Variants in RABGAP1L observed in about 807,000 individuals in gnomAD.
RABGAP1L encodes rab GTPase-activating protein 1-like.
In RABGAP1L, 63 loss-of-function variants were observed where a neutral mutation model predicts 137.7. That is an observed-to-expected ratio of 0.46 (90% confidence interval 0.37 to 0.56). RABGAP1L has a LOEUF of 0.56. RABGAP1L is among the 20% of genes least tolerant of loss of function. The probability of loss-of-function intolerance (pLI) is 0.00; values close to 1 mark genes in which losing one functional copy is unlikely to be tolerated. For synonymous variants in RABGAP1L, 431 were observed against 433.7 expected (o/e 0.99, Z 0.08); for missense variants, 1,095 against 1,244.0 (o/e 0.88, Z 1.80).
chr1:174,832,244 G>T lies in RABGAP1L; in HGVS notation c.2340+20284G>T, dbSNP rs1001480243. On this transcript the variant is annotated intron_variant, in intron 19 of 25. Transcript: ENST00000681986. ...GGAGGTGGAGGTTGCAGTGAGCCGA[G>T]ATCGTGCCACTACATTCCAGCCTGG... Among the ~76,000 whole-genome samples, 7 of 146,416 alleles carry T rather than the reference G, an allele frequency of 4.8e-5. 2 individuals carry two copies. Among genetic ancestry groups the T allele is most frequent in the Non-Finnish European group, 7.6e-5 (5 of 66,114 alleles).
chr1:174,348,019 A>T (rs61828635), intron 11 of RABGAP1L, among the ~76,000 whole-genome samples: 13,619 of 152,024 alleles, frequency 0.09, 831 homozygotes, highest in East Asian at 0.22. Flanking sequence ...ATTATTATTG[A>T]TAAATGAGGA....
chr1:174,294,501 G>A (rs373042736), intron 10 of RABGAP1L, among the ~76,000 whole-genome samples: 1 of 152,126 alleles, frequency 6.6e-6, no homozygotes, highest in African/African-American at 2.4e-5. Flanking sequence ...CAGATAGATA[G>A]GTCATTACCA....
chr1:174,962,205 C>CCCA lies in RABGAP1L; in HGVS notation c.2433+4657_2433+4658insCAC, dbSNP rs1553295731. 2.0e-4 allele frequency among the ~76,000 whole-genome samples: 27 copies of CCCA among 136,822 alleles called. 1 individual carries two copies. Among genetic ancestry groups the CCCA allele is most frequent in the East Asian group, 6.3e-4 (3 of 4,728 alleles). 89.8% of individuals were successfully genotyped at this position (136,822 alleles called of 152,430 possible). ...ATAAAAATAAAAATACACCCCCCCC[C>CCCA]CACACACACACACAGCTAGTTAATT... On this transcript the variant is annotated intron_variant, in intron 20 of 25. Transcript: ENST00000681986.
intron 19 of RABGAP1L, among the ~76,000 whole-genome samples, chr1:174,921,478 G>T (rs1362990152): frequency 1.3e-5 from 2 of 152,084 alleles, no homozygotes; most frequent in Non-Finnish European, 2.9e-5. Flanking sequence ...ATTCTTCAAG[G>T]TAAAAATACC....
chr1:174,729,936 A>G (rs1682322794), intron 17 of RABGAP1L, among the ~76,000 whole-genome samples: 1 of 152,240 alleles, frequency 6.6e-6, no homozygotes, highest in African/African-American at 2.4e-5. Flanking sequence ...CTTAAAACAG[A>G]ACTACCATTT....
intron 17 of RABGAP1L, among the ~76,000 whole-genome samples, chr1:174,735,612 C>CAAAAAAAAAAAAAAA (rs59281177): frequency 2.2e-5 from 1 of 46,134 alleles, no homozygotes. Context: ...AACTCCATCT[C>CAAAAAAAAAAAAAAA]AAAAAAAAAA....
In RABGAP1L at chr1:174,595,629, G is replaced by T. The variant is rs1278227191; in HGVS notation, c.1711-41746G>T. 2.0e-5 allele frequency among the ~76,000 whole-genome samples: 3 copies of T among 150,156 alleles called. 1 individual carries two copies. Among genetic ancestry groups the T allele is most frequent in the African/African-American group, 7.4e-5 (3 of 40,306 alleles). Reference sequence around the variant, plus strand: ...ATACCCTGCGATGTGAGGTGTCAGTGTGCCCCTGCTGGGGGCTGCCTCCCA... The same window carrying T: ...ATACCCTGCGATGTGAGGTGTCAGTTTGCCCCTGCTGGGGGCTGCCTCCCA... On this transcript the variant is annotated intron_variant, in intron 13 of 25. Coordinates refer to ENST00000681986, the MANE Select transcript of RABGAP1L (RefSeq NM_001366446.1).
At chr1:174,193,730 C>A (rs1011800711) in intron 1 of RABGAP1L, among the ~76,000 whole-genome samples, 1 of 151,976 alleles carries the variant, frequency 6.6e-6, no homozygotes, top group African/African-American at 2.4e-5. Flanking sequence ...CAGAAATATT[C>A]TTCATGTGTT....
chr1:174,982,245 C>T (rs1452569192), intron 23 of RABGAP1L, among the ~76,000 whole-genome samples: 4 of 152,112 alleles, frequency 2.6e-5, no homozygotes, highest in Non-Finnish European at 5.9e-5. Context: ...CAACCCGTCA[C>T]CTACATTAGG....
chr1:174,333,139 C>T (rs1377954198), intron 11 of RABGAP1L, among the ~76,000 whole-genome samples: 1 of 151,992 alleles, frequency 6.6e-6, no homozygotes, highest in Non-Finnish European at 1.5e-5. Flanking sequence ...GTTGTGAGTA[C>T]AATAGTGGTT....
At chr1:174,726,049 A>G (rs1030396458) in intron 17 of RABGAP1L, among the ~76,000 whole-genome samples, 3 of 152,174 alleles carry the variant, frequency 2.0e-5, no homozygotes, top group Non-Finnish European at 2.9e-5. Flanking sequence ...GAGTGACACA[A>G]AAATAAAATT....
chr1:174,670,497 T>C (rs1677091718), intron 14 of RABGAP1L, among the ~76,000 whole-genome samples: 1 of 152,126 alleles, frequency 6.6e-6, no homozygotes, highest in Non-Finnish European at 1.5e-5. Flanking sequence ...ACTCATTCTT[T>C]CTTCTTTTTT....
intron 13 of RABGAP1L, among the ~76,000 whole-genome samples, chr1:174,480,192 T>C (rs1337232362): frequency 6.6e-6 from 1 of 152,210 alleles, no homozygotes; most frequent in Non-Finnish European, 1.5e-5. Flanking sequence ...TCCTAATTGA[T>C]TCTATAAAAA....
intron 17 of RABGAP1L, among the ~76,000 whole-genome samples, chr1:174,712,749 A>C (rs770034077): frequency 8.6e-5 from 13 of 151,864 alleles, no homozygotes; most frequent in Non-Finnish European, 1.8e-4. Flanking sequence ...CTCTCTTAGC[A>C]CCCCGTGGTT....
chr1:174,914,683 G>C (rs534191234), intron 19 of RABGAP1L, among the ~76,000 whole-genome samples: 1 of 152,046 alleles, frequency 6.6e-6, no homozygotes, highest in East Asian at 1.9e-4. Flanking sequence ...GCCTTATAAA[G>C]GTATAAGTTA....
chr1:174,294,846 C>T (rs987480550), intron 10 of RABGAP1L, among the ~76,000 whole-genome samples: 2 of 151,882 alleles, frequency 1.3e-5, no homozygotes, highest in African/African-American at 4.8e-5. Flanking sequence ...GTTGTTGATG[C>T]TCTTGATTGA....
At chr1:174,828,459 T>C (rs1691804685) in intron 19 of RABGAP1L, among the ~76,000 whole-genome samples, 1 of 147,954 alleles carries the variant, frequency 6.8e-6, no homozygotes, top group Non-Finnish European at 1.5e-5. Context: ...CTGTTTCTGC[T>C]GCCTAGGTTG....
chr1:174,313,610 T>C (rs1291232260), intron 11 of RABGAP1L, among the ~76,000 whole-genome samples: 1 of 152,172 alleles, frequency 6.6e-6, no homozygotes, highest in Admixed American at 6.6e-5. Flanking sequence ...GGAAAGGCTT[T>C]CAGTTTTTCT....
chr1:174,412,626 A>G (rs1319209868), intron 13 of RABGAP1L, among the ~76,000 whole-genome samples: 5 of 152,078 alleles, frequency 3.3e-5, no homozygotes, highest in Non-Finnish European at 7.4e-5. Flanking sequence ...GTATAGAAAT[A>G]TCTTAAGGAT....
Sources: allele counts gnomAD v4.1 joint callset (sites outside exome capture counted in the v4.1 genomes callset), GRCh38; gene constraint gnomAD v4.1.1; transcripts MANE v1.5; gene names NCBI Gene and HGNC (gene_info 2026-07-23, HGNC 2026-07-21).